Variants in MAP3K20 observed in about 807,000 individuals in gnomAD.
MAP3K20 encodes mitogen-activated protein kinase kinase kinase 20.
In MAP3K20, 40 loss-of-function variants were observed where a neutral mutation model predicts 85.7. The observed-to-expected ratio is 0.47, with a 90% confidence interval of 0.36 to 0.61. MAP3K20 has a LOEUF of 0.61. MAP3K20 is among the 20% of genes least tolerant of loss of function. The pLI is 0.00. For missense variants in MAP3K20, 817 were observed against 961.7 expected (o/e 0.85, Z 1.99); for synonymous variants, 325 against 327.7 (o/e 0.99, Z 0.09).
At chr2:173,128,657 C>T (rs1393119478) in intron 2 of MAP3K20, among the ~76,000 whole-genome samples, 5 of 152,050 alleles carry the variant, frequency 3.3e-5, no homozygotes, top group African/African-American at 4.8e-5. Context: ...GAAAAGTTTC[C>T]ATGCTGTTCT....
chr2:173,122,512 T>C (rs1386813412), intron 2 of MAP3K20, among the ~76,000 whole-genome samples: 1 of 152,176 alleles, frequency 6.6e-6, no homozygotes, highest in Non-Finnish European at 1.5e-5. Context: ...TTATGGTATA[T>C]GCCTGTGGCA....
chr2:173,169,728 AT>A, intron 2 of MAP3K20, 76 bp from the exon 3 acceptor site: 1 of 1,441,844 alleles, frequency 6.9e-7, no homozygotes, highest in Non-Finnish European at 9.6e-7. Flanking sequence ...TCAAAAAAAA[AT>A]GAGTAGGAAG....
intron 2 of MAP3K20, among the ~76,000 whole-genome samples, chr2:173,142,427 G>A (rs538050402): frequency 3.0e-4 from 45 of 151,496 alleles, no homozygotes; most frequent in East Asian, 9.8e-4. Context: ...AGCTGAGATC[G>A]TGCCACTGCA....
chr2:173,243,797 G>C (rs185740024), intron 16 of MAP3K20, among the ~76,000 whole-genome samples: 36 of 152,126 alleles, frequency 2.4e-4, no homozygotes, highest in African/African-American at 8.4e-4. Context: ...CTAATTTTTG[G>C]TATTTTTAGT....
At chr2:173,142,465 C>T (rs1197266589) in intron 2 of MAP3K20, among the ~76,000 whole-genome samples, 1 of 150,578 alleles carries the variant, frequency 6.6e-6, no homozygotes, top group South Asian at 2.1e-4. Context: ...GAGCGAGACT[C>T]CGTCTCAAAA....
Position 173,209,850 on chromosome 2 carries a change from C to T in MAP3K20, c.851+15C>T. On this transcript the variant is annotated intron_variant, in intron 10 of 19. Coordinates refer to ENST00000375213, the MANE Select transcript of MAP3K20 (RefSeq NM_016653.3). ...GCGGAGTGGAGGTGGGTAGCCCCGA[C>T]AGCAGGCCACAGCGTCTGGCTTTCA... 3 of 1,600,820 alleles carry T rather than the reference C, an allele frequency of 1.9e-6. No homozygotes were observed. Among genetic ancestry groups the T allele is most frequent in the African/African-American group, 1.3e-5 (1 of 74,670 alleles).
At chr2:173,234,998 G>GA (rs1311398434) in intron 14 of MAP3K20, among the ~76,000 whole-genome samples, 1 of 152,140 alleles carries the variant, frequency 6.6e-6, no homozygotes, top group Non-Finnish European at 1.5e-5. Flanking sequence ...AGAAGGGGAA[G>GA]ATGTCACAGG....
Position 173,222,969 on chromosome 2 carries a change from C to T in MAP3K20, c.987+5719C>T, listed in dbSNP as rs1372790755. The T allele has an allele frequency of 3.0e-6, 3 of 985,354 alleles. No homozygotes were observed. In the East Asian group the frequency reaches 3.4e-4, roughly 112 times the overall value. 61.0% of individuals were successfully genotyped at this position (985,354 alleles called of 1,614,324 possible). ...GGAGTGTCATTATTTGACTGTTAAACCAAAATATTTTTGGTGGGTCTTTTT... is the reference window on the plus strand; with the variant it reads ...GGAGTGTCATTATTTGACTGTTAAATCAAAATATTTTTGGTGGGTCTTTTT... On this transcript the variant is annotated intron_variant, in intron 11 of 19. Transcript: ENST00000375213.
At chr2:173,176,830 A>C (rs1045316505) in intron 3 of MAP3K20, among the ~76,000 whole-genome samples, 1 of 152,222 alleles carries the variant, frequency 6.6e-6, no homozygotes, top group Admixed American at 6.5e-5. Context: ...AGATACAAAT[A>C]GGTTAAAAGT....
intron 9 of MAP3K20, among the ~76,000 whole-genome samples, chr2:173,204,588 G>A (rs550289871): frequency 2.6e-5 from 4 of 152,274 alleles, no homozygotes; most frequent in South Asian, 4.1e-4. Context: ...TCCCTGCAAA[G>A]ATCATTTTAA....
intron 16 of MAP3K20, among the ~76,000 whole-genome samples, chr2:173,244,909 A>G (rs900258728): frequency 1.3e-5 from 2 of 152,278 alleles, no homozygotes; most frequent in East Asian, 1.9e-4. Context: ...CCCCACCTCC[A>G]TGACCGGAAT....
chr2:173,219,327 A>C (rs1403782389), intron 11 of MAP3K20, among the ~76,000 whole-genome samples: 2 of 152,212 alleles, frequency 1.3e-5, no homozygotes, highest in Admixed American at 1.3e-4. Flanking sequence ...TTCTTTCCTA[A>C]AACTAAAACA....
chr2:173,253,335 C>T (rs1445557579), intron 16 of MAP3K20, among the ~76,000 whole-genome samples: 1 of 152,172 alleles, frequency 6.6e-6, no homozygotes, highest in Admixed American at 6.5e-5. Flanking sequence ...TTATCTTAAT[C>T]TTCACATGAC....
intron 14 of MAP3K20, among the ~76,000 whole-genome samples, chr2:173,235,052 T>G (rs1684616623): frequency 1.3e-5 from 2 of 152,054 alleles, no homozygotes; most frequent in Admixed American, 6.5e-5. Flanking sequence ...CACAATGAAG[T>G]ATTGATTGTT....
At chr2:173,149,574 G>A (rs1689240191) in intron 2 of MAP3K20, among the ~76,000 whole-genome samples, 2 of 151,624 alleles carry the variant, frequency 1.3e-5, no homozygotes, top group South Asian at 2.1e-4. Flanking sequence ...CCCCAGATTT[G>A]TACTGTTTGG....
chr2:173,264,020 G>T, intron 19 of MAP3K20, 125 bp downstream of exon 19: 1 of 1,352,110 alleles, frequency 7.4e-7, no homozygotes. Context: ...TGAGCTTCGA[G>T]TAGCAGAAAA....
chr2:173,190,611 T>A (rs1054301370), intron 5 of MAP3K20, among the ~76,000 whole-genome samples: 1 of 152,162 alleles, frequency 6.6e-6, no homozygotes, highest in African/African-American at 2.4e-5. Context: ...AGGTAAAAAT[T>A]TGGTTCTCCT....
intron 5 of MAP3K20, 147 bp from the exon 6 acceptor site, chr2:173,190,748 C>A: frequency 1.3e-6 from 1 of 777,290 alleles, no homozygotes; most frequent in Non-Finnish European, 2.0e-6. Context: ...CCCCCTTTTG[C>A]AAAATCCTCA....
chr2:173,216,097 T>C (rs538735408), intron 10 of MAP3K20, among the ~76,000 whole-genome samples: 19 of 152,336 alleles, frequency 1.2e-4, no homozygotes, highest in Non-Finnish European at 2.2e-4. Context: ...TCTCTCAGTA[T>C]TGTGGCTTAC....
Sources: gnomAD v4.1 joint callset for allele counts (sites outside exome capture counted in the v4.1 genomes callset) on GRCh38, gnomAD v4.1.1 for gene constraint, MANE v1.5 for transcripts, NCBI Gene and HGNC (gene_info 2026-07-23, HGNC 2026-07-21) for gene names.